The following ENTREP2 variants were observed in gnomAD, a reference collection of about 807,000 sequenced individuals.
The protein encoded by ENTREP2 is endosomal transmembrane epsin interactor 2.
the ENTREP2 span, among the ~76,000 whole-genome samples, chr15:29,213,972 A>G: frequency 6.6e-6 from 1 of 152,204 alleles, no homozygotes. Flanking sequence ...AGAAATGCAA[A>G]TCAAAACCAC....
the ENTREP2 span, among the ~76,000 whole-genome samples, chr15:29,226,673 C>G: frequency 6.6e-6 from 1 of 152,134 alleles, no homozygotes; most frequent in Non-Finnish European, 1.5e-5. Context: ...GGGGCTCTTC[C>G]GAGGACCCTG....
the ENTREP2 span, among the ~76,000 whole-genome samples, chr15:29,152,828 G>GTAATT: frequency 1.6e-4 from 25 of 152,262 alleles, no homozygotes; most frequent in Non-Finnish European, 2.2e-4. Flanking sequence ...GATTTGTACA[G>GTAATT]TAATTGCATG....
At chr15:29,410,624 C>A in the ENTREP2 span, among the ~76,000 whole-genome samples, 4 of 152,210 alleles carry the variant, frequency 2.6e-5, no homozygotes, top group Non-Finnish European at 2.9e-5. Flanking sequence ...TCTGCGCAAA[C>A]AAGAGAGATT....
chr15:29,257,143 G>A, the ENTREP2 span, among the ~76,000 whole-genome samples: 2 of 151,276 alleles, frequency 1.3e-5, no homozygotes, highest in African/African-American at 4.9e-5. Context: ...CAGCGATCTC[G>A]ACTCACCGCA....
At chr15:29,626,690 T>C in the ENTREP2 span, among the ~76,000 whole-genome samples, 16 of 152,220 alleles carry the variant, frequency 1.1e-4, no homozygotes, top group African/African-American at 3.9e-4. Flanking sequence ...TGCCTTATTT[T>C]ACTGACTGAA....
the ENTREP2 span, among the ~76,000 whole-genome samples, chr15:29,580,043 T>C: frequency 6.6e-6 from 1 of 151,968 alleles, no homozygotes; most frequent in Admixed American, 6.6e-5. Context: ...ACAGGGTTTT[T>C]CCATGTTGCC....
the ENTREP2 span, among the ~76,000 whole-genome samples, chr15:29,125,559 G>C: frequency 1.3e-5 from 2 of 152,128 alleles, no homozygotes. Context: ...CCCTCTTCAG[G>C]GTTCCTGCAC....
the ENTREP2 span, among the ~76,000 whole-genome samples, chr15:29,140,847 T>C: frequency 6.6e-6 from 1 of 152,214 alleles, no homozygotes; most frequent in South Asian, 2.1e-4. Context: ...GTGGCTCTGT[T>C]TGCCCTGATC....
At chr15:29,293,135 A>G in the ENTREP2 span, among the ~76,000 whole-genome samples, 1 of 152,234 alleles carries the variant, frequency 6.6e-6, no homozygotes, top group South Asian at 2.1e-4. Flanking sequence ...CAAGTCAGGC[A>G]AAGGCTCCGG....
the ENTREP2 span, among the ~76,000 whole-genome samples, chr15:29,253,721 A>G: frequency 8.5e-5 from 13 of 152,204 alleles, no homozygotes; most frequent in East Asian, 9.7e-4. Flanking sequence ...GATTACAGGC[A>G]TGAGCCACCA....
chr15:29,422,428 T>C, the ENTREP2 span, among the ~76,000 whole-genome samples: 4 of 152,212 alleles, frequency 2.6e-5, no homozygotes, highest in Admixed American at 6.5e-5. Flanking sequence ...CAGTGGACTT[T>C]GAATTACAGA....
the ENTREP2 span, among the ~76,000 whole-genome samples, chr15:29,168,183 T>G: frequency 6.6e-6 from 1 of 152,096 alleles, no homozygotes; most frequent in East Asian, 1.9e-4. Flanking sequence ...GGGAGAATAG[T>G]GGGAGGCGGG....
At chr15:29,613,515 A>T in the ENTREP2 span, 1 of 335,082 alleles carries the variant, frequency 3.0e-6, no homozygotes, top group East Asian at 9.1e-5. Context: ...CCACATCATG[A>T]ACACCTCCAG....
At chr15:29,442,717 C>T in the ENTREP2 span, among the ~76,000 whole-genome samples, 2 of 151,994 alleles carry the variant, frequency 1.3e-5, no homozygotes, top group Non-Finnish European at 2.9e-5. Flanking sequence ...GGTCCCCGTG[C>T]CCCCCGACCT....
the ENTREP2 span, among the ~76,000 whole-genome samples, chr15:29,379,471 G>A: frequency 1.3e-5 from 2 of 152,194 alleles, no homozygotes; most frequent in Admixed American, 6.5e-5. Context: ...CTCTGCCTGG[G>A]GCTTGGGAAG....
the ENTREP2 span, among the ~76,000 whole-genome samples, chr15:29,571,129 C>G: frequency 2.0e-5 from 3 of 151,438 alleles, no homozygotes; most frequent in Admixed American, 1.3e-4. Context: ...GGAGCCGGGA[C>G]CCGGGAGCCG....
the ENTREP2 span, among the ~76,000 whole-genome samples, chr15:29,345,894 G>A: frequency 2.6e-5 from 4 of 152,302 alleles, no homozygotes; most frequent in South Asian, 2.1e-4. Flanking sequence ...GATGATGATC[G>A]CAGCGGACAT....
the ENTREP2 span, among the ~76,000 whole-genome samples, chr15:29,147,090 C>T: frequency 1.3e-5 from 2 of 152,166 alleles, no homozygotes; most frequent in Non-Finnish European, 2.9e-5. Flanking sequence ...AACTTTTGTG[C>T]ATCAAGTGAA....
chr15:29,347,228 G>A, the ENTREP2 span, among the ~76,000 whole-genome samples: 1 of 152,116 alleles, frequency 6.6e-6, no homozygotes, highest in South Asian at 2.1e-4. Context: ...AGGCTAGAGT[G>A]CAGCTTCACC....
Sources: gnomAD v4.1 joint callset for allele counts (sites outside exome capture counted in the v4.1 genomes callset) on GRCh38, gnomAD v4.1.1 for gene constraint, MANE v1.5 for transcripts, NCBI Gene and HGNC (gene_info 2026-07-23, HGNC 2026-07-21) for gene names.